The following KCNIP4 variants were observed in gnomAD, a reference collection of about 807,000 sequenced individuals.
KCNIP4 encodes potassium voltage-gated channel interacting protein 4, also known as Kv channel-interacting protein 4.
A neutral mutation model predicts 34.0 loss-of-function variants in KCNIP4; 12 were observed. The ratio of observed to expected loss-of-function variants is 0.35; its 90% confidence interval spans 0.23 to 0.57. The LOEUF is 0.57. Ranked by LOEUF, KCNIP4 falls within the 20% of genes least tolerant of loss-of-function variation. The pLI is 0.83. For synonymous variants in KCNIP4, 124 were observed against 102.2 expected (o/e 1.21, Z -1.29); for missense variants, 238 against 311.7 (o/e 0.76, Z 1.78).
chr4:21,570,950 T>G (rs1740322820), intron 1 of KCNIP4, among the ~76,000 whole-genome samples: 1 of 152,084 alleles, frequency 6.6e-6, no homozygotes, highest in Admixed American at 6.5e-5. Context: ...TTCGACGTGG[T>G]TGAACCTGGA....
intron 1 of KCNIP4, among the ~76,000 whole-genome samples, chr4:21,546,149 C>T (rs1738135080): frequency 1.3e-5 from 2 of 152,096 alleles, no homozygotes; most frequent in Admixed American, 1.3e-4. Flanking sequence ...AGATTAGACC[C>T]ACTCACATAA....
In KCNIP4 at chr4:21,681,273, ATTT is replaced by A. The variant is rs778538252; in HGVS notation, c.61+267295_61+267297del. On this transcript the variant is annotated intron_variant, in intron 1 of 8. Coordinates refer to ENST00000382152, the MANE Select transcript of KCNIP4 (RefSeq NM_025221.6). ...GCACCACCATGCCAGGCTAATTTTA[ATTT>A]TTTTTTTTTTTTTAAAGACAAGGCC... Among the ~76,000 whole-genome samples, 414 of 141,942 alleles carry A rather than the reference ATTT, an allele frequency of 2.9e-3. 1 individual carries two copies. Among genetic ancestry groups the A allele is most frequent in the African/African-American group, 8.1e-3 (316 of 38,936 alleles). 93.1% of individuals were successfully genotyped at this position (141,942 alleles called of 152,430 possible).
At chr4:21,378,463 A>C (rs576118999) in intron 1 of KCNIP4, among the ~76,000 whole-genome samples, 10 of 152,202 alleles carry the variant, frequency 6.6e-5, no homozygotes, top group Non-Finnish European at 1.2e-4. Context: ...TGAAGTAAAG[A>C]AGGCTTATAA....
chr4:21,546,443 C>T (rs1468413931), intron 1 of KCNIP4, among the ~76,000 whole-genome samples: 5 of 152,056 alleles, frequency 3.3e-5, no homozygotes, highest in Admixed American at 2.6e-4. Context: ...GAGACCAAGA[C>T]AGATAGATGT....
At chr4:21,452,691 CT>C (rs1728606783) in intron 1 of KCNIP4, among the ~76,000 whole-genome samples, 1 of 150,554 alleles carries the variant, frequency 6.6e-6, no homozygotes, top group South Asian at 2.1e-4. Context: ...TACTATTATA[CT>C]ATTATTTGTC....
intron 1 of KCNIP4, among the ~76,000 whole-genome samples, chr4:21,630,777 A>G (rs931350001): frequency 1.3e-5 from 2 of 152,188 alleles, no homozygotes; most frequent in Non-Finnish European, 2.9e-5. Flanking sequence ...TGTTTCCTTA[A>G]TAGCCTCTAG....
chr4:21,907,062 T>C (rs977220486), intron 1 of KCNIP4, among the ~76,000 whole-genome samples: 7 of 152,172 alleles, frequency 4.6e-5, no homozygotes, highest in Non-Finnish European at 1.0e-4. Flanking sequence ...CTCATTATGA[T>C]GAAGACTACT....
intron 3 of KCNIP4, among the ~76,000 whole-genome samples, chr4:20,820,891 A>G (rs532505452): frequency 1.3e-5 from 2 of 152,314 alleles, no homozygotes; most frequent in East Asian, 3.9e-4. Context: ...TCCAGAAAGC[A>G]CAGGCAGTAA....
chr4:21,341,807 C>T (rs1043146093), intron 1 of KCNIP4, among the ~76,000 whole-genome samples: 38 of 152,074 alleles, frequency 2.5e-4, no homozygotes, highest in African/African-American at 9.2e-4. Context: ...CTGCTATCAC[C>T]ACAGTTTTGA....
chr4:21,893,144 C>G (rs930762009), intron 1 of KCNIP4, among the ~76,000 whole-genome samples: 1 of 152,008 alleles, frequency 6.6e-6, no homozygotes, highest in African/African-American at 2.4e-5. Flanking sequence ...TCATATTAAA[C>G]CAGGCACCCA....
At chr4:21,252,124 G>GTTTTTTTT in intron 1 of KCNIP4, among the ~76,000 whole-genome samples, 1 of 115,952 alleles carries the variant, frequency 8.6e-6, no homozygotes, top group Non-Finnish European at 1.8e-5. Flanking sequence ...CATGAATGAG[G>GTTTTTTTT]TTTTGTTTTT....
At position 21,232,502 on chromosome 4, in the gene KCNIP4, A is replaced by C. The variant is rs180689676; in HGVS notation, c.62-349793T>G. On this transcript the variant is annotated intron_variant, in intron 1 of 8. Coordinates refer to ENST00000382152, the MANE Select transcript of KCNIP4 (RefSeq NM_025221.6). ...CAAAATATGTCCAAATTTAAGAATGATTTTTACATATAATTCAATAATTTT... is the reference window on the plus strand; with the variant it reads ...CAAAATATGTCCAAATTTAAGAATGCTTTTTACATATAATTCAATAATTTT... Among the ~76,000 whole-genome samples, 41 of 152,302 alleles carry C rather than the reference A, an allele frequency of 2.7e-4. 1 individual carries two copies. Among genetic ancestry groups the C allele is most frequent in the Admixed American group, 1.4e-3 (22 of 15,278 alleles).
intron 1 of KCNIP4, among the ~76,000 whole-genome samples, chr4:21,178,061 G>T (rs867475346): frequency 1.3e-5 from 2 of 152,110 alleles, no homozygotes; most frequent in South Asian, 4.2e-4. Flanking sequence ...TACTATTAAA[G>T]CCTCAACCTA....
chr4:21,455,846 T>C (rs1728915704), intron 1 of KCNIP4, among the ~76,000 whole-genome samples: 1 of 111,160 alleles, frequency 9.0e-6, no homozygotes, highest in Non-Finnish European at 1.7e-5. Context: ...TATATATATA[T>C]ATATATATAT....
chr4:21,626,667 A>G (rs1745351908), intron 1 of KCNIP4, among the ~76,000 whole-genome samples: 1 of 152,090 alleles, frequency 6.6e-6, no homozygotes, highest in South Asian at 2.1e-4. Context: ...CCCTTCATCA[A>G]TGGTGGTACC....
At chr4:21,139,580 C>T (rs1577766410) in intron 1 of KCNIP4, among the ~76,000 whole-genome samples, 1 of 152,160 alleles carries the variant, frequency 6.6e-6, no homozygotes, top group Non-Finnish European at 1.5e-5. Flanking sequence ...CACACCCTTC[C>T]CAGCCCACAT....
intron 1 of KCNIP4, among the ~76,000 whole-genome samples, chr4:21,445,263 G>GA (rs1727876570): frequency 6.6e-6 from 1 of 152,058 alleles, no homozygotes; most frequent in African/African-American, 2.4e-5. Context: ...CACAGAATTG[G>GA]AAAAAACTAC....
At chr4:21,215,649 A>AC (rs1757500895) in intron 1 of KCNIP4, among the ~76,000 whole-genome samples, 1 of 152,168 alleles carries the variant, frequency 6.6e-6, no homozygotes, top group African/African-American at 2.4e-5. Context: ...GTTGCCTGGC[A>AC]CATCTTACAG....
chr4:21,363,406 C>T (rs1719423288), intron 1 of KCNIP4, among the ~76,000 whole-genome samples: 1 of 152,116 alleles, frequency 6.6e-6, no homozygotes. Flanking sequence ...AGGGGTTTAT[C>T]CTTGTAGCAT....
Sources: allele counts gnomAD v4.1 joint callset (sites outside exome capture counted in the v4.1 genomes callset), GRCh38; gene constraint gnomAD v4.1.1; transcripts MANE v1.5; gene names NCBI Gene and HGNC (gene_info 2026-07-23, HGNC 2026-07-21).